Variants in EHD4 observed in about 807,000 individuals in gnomAD.
EHD4 encodes the protein EH domain-containing protein 4.
EHD4 carries 37 observed loss-of-function variants against 51.0 expected under a neutral mutation model. The ratio of observed to expected loss-of-function variants is 0.73; its 90% CI spans 0.56 to 0.95. The LOEUF is 0.95. Ranked by LOEUF, EHD4 falls within the 40% of genes least tolerant of loss-of-function variation. The pLI is 0.00. For missense variants in EHD4, 632 were observed against 733.1 expected, an observed-to-expected ratio of 0.86 and a Z score of 1.59; for synonymous variants, 297 against 317.3, an observed-to-expected ratio of 0.94 and a Z score of 0.68.
chr15:41,901,301 T>G, intron 5 of EHD4, 120 bp from the exon 6 acceptor site: 1 of 1,071,962 alleles, frequency 9.3e-7, no homozygotes, highest in Admixed American at 3.0e-5. Flanking sequence ...TACTCAGGAG[T>G]GCACTCTTTG....
intron 3 of EHD4, among the ~76,000 whole-genome samples, chr15:41,936,227 T>A (rs1379741979): frequency 6.6e-6 from 1 of 152,176 alleles, no homozygotes; most frequent in Non-Finnish European, 1.5e-5. Context: ...AAGGCACGAA[T>A]GCTGGGAGGC....
intron 3 of EHD4, among the ~76,000 whole-genome samples, chr15:41,929,780 T>G (rs1304922082): frequency 1.3e-5 from 2 of 152,138 alleles, no homozygotes; most frequent in Non-Finnish European, 2.9e-5. Context: ...CTATATAGGG[T>G]GGTTCCAAAC....
intron 3 of EHD4, chr15:41,921,363 G>A (rs916431675): frequency 6.6e-6 from 1 of 152,146 alleles, no homozygotes; most frequent in Non-Finnish European, 1.5e-5. Context: ...TAGGTCAGAG[G>A]AATATCAAAG....
intron 3 of EHD4, among the ~76,000 whole-genome samples, chr15:41,923,707 G>GT (rs1268649506): frequency 1.3e-5 from 2 of 152,196 alleles, no homozygotes; most frequent in Non-Finnish European, 2.9e-5. Flanking sequence ...GTTCCTGTTG[G>GT]TTAGCAAGCA....
intron 2 of EHD4, among the ~76,000 whole-genome samples, chr15:41,946,561 T>G (rs4244586): frequency 0.47 from 70,970 of 151,920 alleles, 18,089 homozygotes; most frequent in Non-Finnish European, 0.59. Context: ...AGACTTCGTC[T>G]CTACAAAAAA....
chr15:41,958,725 T>C (rs111520788), intron 1 of EHD4, among the ~76,000 whole-genome samples: 128 of 152,188 alleles, frequency 8.4e-4, no homozygotes, highest in Non-Finnish European at 1.4e-3. Context: ...GGCAAAGCAT[T>C]ACACTTTAAA....
chr15:41,941,548 G>C (rs1295959601), intron 3 of EHD4: 1 of 150,084 alleles, frequency 6.7e-6, no homozygotes, highest in Non-Finnish European at 1.5e-5. Context: ...AAGCCAACAA[G>C]ATATTTATGA....
intron 3 of EHD4, among the ~76,000 whole-genome samples, chr15:41,920,912 G>C (rs539811755): frequency 6.6e-6 from 1 of 152,162 alleles, no homozygotes; most frequent in Non-Finnish European, 1.5e-5. Flanking sequence ...TGTCAACATC[G>C]ATTGTGAGAC....
In EHD4 at chr15:41,919,329, C is replaced by G; in HGVS notation, c.805G>C (p.Asp269His). 1 of 1,614,228 alleles carries G rather than the reference C, an allele frequency of 6.2e-7. No homozygotes were observed. Among genetic ancestry groups the G allele is most frequent in the Non-Finnish European group, 8.5e-7 (1 of 1,180,034 alleles). ...SFWAQPLQNT[D>H]NRRLFEAEAQ... ...TCAGCCTCGAAGAGCCGGCGGTTGTCCGTGTTCTGCAGGGGCTGCGCCCAG... is the reference window on the plus strand; with the variant it reads ...TCAGCCTCGAAGAGCCGGCGGTTGTGCGTGTTCTGCAGGGGCTGCGCCCAG... The change falls in exon 4 of 6, where the codon GAC (aspartate) becomes CAC (histidine). Residue 269 changes from aspartate (D) to histidine (H), a missense_variant. By Grantham distance (81) the Asp-to-His change is moderately conservative (BLOSUM62 -1). Transcript: ENST00000220325.
At chr15:41,957,577 A>G (rs984971122) in intron 1 of EHD4, among the ~76,000 whole-genome samples, 37 of 152,128 alleles carry the variant, frequency 2.4e-4, no homozygotes, top group African/African-American at 8.9e-4. Flanking sequence ...TTGCTGGTCA[A>G]ACTCACAGGG....
intron 1 of EHD4, among the ~76,000 whole-genome samples, chr15:41,970,696 C>A (rs930200919): frequency 6.6e-6 from 1 of 152,196 alleles, no homozygotes; most frequent in Middle Eastern, 3.2e-3. Flanking sequence ...CTGGGCACAA[C>A]AAGGACCTCA....
Position 41,897,101 on chromosome 15 carries a change from A to G in EHD4, c.*3544T>C, listed in dbSNP as rs1261991977. On this transcript the variant is annotated 3_prime_UTR_variant, in exon 6 of 6. Coordinates refer to ENST00000220325, the MANE Select transcript of EHD4 (RefSeq NM_139265.4). Reference sequence around the variant, plus strand: ...AGATTACAAAAAGAAAAAAAATAGAAGCATTGCGTATTAACTGCATTGGTT... The same window carrying G: ...AGATTACAAAAAGAAAAAAAATAGAGGCATTGCGTATTAACTGCATTGGTT... 1 of 152,264 alleles carries G rather than the reference A, an allele frequency of 6.6e-6. No homozygotes were observed. Among genetic ancestry groups the G allele is most frequent in the African/African-American group, 2.4e-5 (1 of 41,466 alleles). The allele number at this position is 152,264 out of a possible 1,614,324, so 9.4% of individuals were successfully genotyped here. A position where few individuals can be genotyped will look rare whatever the true frequency, so the allele number is the denominator to read the frequency against.
chr15:41,900,786 G>T lies in EHD4; in HGVS notation c.1485C>A (p.Cys495Ter). 1 of 1,614,144 alleles carries T rather than the reference G, an allele frequency of 6.2e-7. No individual in the cohort carries two copies. The stretch of plus-strand genomic sequence containing the variant: ...ACTCCTCCTCATCAAGCATGCCGTC[G>T]CAGTCGCAGTCGGCCAGCTTCCAGA... ...GKIWKLADCDCDGMLDEEEFA... is the reference protein window; with the variant it reads ...GKIWKLADCD The change falls in exon 6 of 6, where the codon TGC becomes TGA. Residue 495 changes from cysteine (C) to a stop codon, truncating the protein, a stop_gained. Coordinates refer to ENST00000220325, the MANE Select transcript of EHD4 (RefSeq NM_139265.4). LOFTEE classifies it high-confidence loss of function. The surrounding 1 kb of genome is among the most constrained non-coding windows in gnomAD (Gnocchi z 4.8).
chr15:41,908,027 G>A (rs1023748868), intron 5 of EHD4, among the ~76,000 whole-genome samples: 58 of 151,804 alleles, frequency 3.8e-4, no homozygotes, highest in East Asian at 3.9e-4. Context: ...CACCACACCC[G>A]GCTAATTTTT....
intron 5 of EHD4, 44 bp downstream of exon 5, chr15:41,909,655 C>T (rs1198686216): frequency 3.1e-6 from 5 of 1,607,676 alleles, no homozygotes; most frequent in African/African-American, 1.3e-5. Context: ...TGTGGCACTG[C>T]ACCTCTGCCC....
At position 41,944,105 on chromosome 15, in the gene EHD4, G is replaced by C. The variant is rs934900907; in HGVS notation, c.414-941C>G. On this transcript the variant is annotated intron_variant, in intron 2 of 5. Coordinates refer to ENST00000220325, the MANE Select transcript of EHD4 (RefSeq NM_139265.4). ...ATCTAGCCTGTGGGTCAGCAGACCTGGGTTCAAGTTCTGCCCAGCGTTTCC... is the reference window on the plus strand; with the variant it reads ...ATCTAGCCTGTGGGTCAGCAGACCTCGGTTCAAGTTCTGCCCAGCGTTTCC... Among the ~76,000 whole-genome samples, 3 of 152,208 alleles carry C rather than the reference G, an allele frequency of 2.0e-5. No homozygotes were observed. The East Asian group carries it at 5.8e-4, about 29-fold the overall frequency.
At chr15:41,919,800 G>C (rs987137243) in intron 3 of EHD4, among the ~76,000 whole-genome samples, 178 bp from the exon 4 acceptor site, 3 of 152,138 alleles carry the variant, frequency 2.0e-5, no homozygotes, top group African/African-American at 7.2e-5. Flanking sequence ...CGGGTGGGAA[G>C]GACCTGGGGA....
intron 3 of EHD4, among the ~76,000 whole-genome samples, chr15:41,925,633 G>T (rs996732052): frequency 2.0e-5 from 3 of 152,030 alleles, no homozygotes; most frequent in Non-Finnish European, 4.4e-5. Flanking sequence ...GTATTAGTCT[G>T]GAACAAAAAA....
chr15:41,931,945 G>A (rs1459150185), intron 3 of EHD4, among the ~76,000 whole-genome samples: 3 of 151,600 alleles, frequency 2.0e-5, no homozygotes, highest in Non-Finnish European at 2.9e-5. Context: ...AAAGTGCTGG[G>A]ATTACAGGTG....
Sources: allele counts gnomAD v4.1 joint callset (sites outside exome capture counted in the v4.1 genomes callset), GRCh38; gene constraint gnomAD v4.1.1; non-coding constraint Gnocchi (gnomAD v3.1); transcripts MANE v1.5; gene names NCBI Gene and HGNC (gene_info 2026-07-23, HGNC 2026-07-21).